IL13RA1: variants seen among roughly 807,000 people sequenced by gnomAD.
The protein encoded by IL13RA1 is interleukin-13 receptor subunit alpha-1.
In IL13RA1, 14 loss-of-function variants were observed where a neutral mutation model predicts 33.8. That is an observed-to-expected ratio of 0.41 (90% CI 0.27 to 0.65). The LOEUF is 0.65. Among genes scored for constraint, IL13RA1 ranks in the 30% least tolerant of loss-of-function variants. The pLI is 0.28. For missense variants in IL13RA1, 313 were observed against 327.0 expected, an observed-to-expected ratio of 0.96 and a Z score of 0.33; for synonymous variants, 116 against 115.7, an observed-to-expected ratio of 1.00 and a Z score of -0.02.
chrX:118,740,407 G>C (rs2017329151), intron 1 of IL13RA1, among the ~76,000 whole-genome samples: 1 of 112,412 alleles, frequency 8.9e-6, no homozygotes, highest in Non-Finnish European at 1.9e-5. Flanking sequence ...CACTTTTCAA[G>C]TGACACTCCC....
chrX:118,749,209 C>T (rs2017443556), intron 3 of IL13RA1, among the ~76,000 whole-genome samples: 1 of 112,125 alleles, frequency 8.9e-6, no homozygotes, highest in Admixed American at 9.5e-5. Flanking sequence ...AGCCACCCTG[C>T]CTGGCTGAAT....
rs375277517 is a variant in IL13RA1 at position 118,791,976 on chromosome X, T to A, written c.*122T>A. 8 of 383,033 alleles carry A rather than the reference T, an allele frequency of 2.1e-5. No individual in the cohort carries two copies. Among genetic ancestry groups the A allele is most frequent in the African/African-American group, 7.8e-5 (3 of 38,276 alleles). 31.6% of individuals were successfully genotyped at this position (383,033 alleles called of 1,213,427 possible). On this transcript the variant is annotated 3_prime_UTR_variant, in exon 11 of 11. Transcript: ENST00000371666. ...ACTGCACCATTTAAAAACAGGCAGC[T>A]CATAAGAGCCACAGGTCTTTATGTT...
At chrX:118,754,702 A>G (rs777940340) in intron 4 of IL13RA1, among the ~76,000 whole-genome samples, 1 of 109,924 alleles carries the variant, frequency 9.1e-6, no homozygotes, top group Non-Finnish European at 1.9e-5. Flanking sequence ...AGATGCAGTC[A>G]GTACACAGCG....
At chrX:118,748,846 C>T (rs1331081741) in intron 3 of IL13RA1, among the ~76,000 whole-genome samples, 1 of 111,276 alleles carries the variant, frequency 9.0e-6, no homozygotes, top group African/African-American at 3.3e-5. Flanking sequence ...AAAGTCATGA[C>T]ACTTAAGAGG....
intron 2 of IL13RA1, among the ~76,000 whole-genome samples, chrX:118,745,784 C>G (rs1180762776): frequency 9.0e-6 from 1 of 111,694 alleles, no homozygotes; most frequent in Non-Finnish European, 1.9e-5. Context: ...CTCCTTGGAG[C>G]TCTGATTAAA....
chrX:118,728,140 G>T (rs1480588485), intron 1 of IL13RA1, among the ~76,000 whole-genome samples: 1 of 112,600 alleles, frequency 8.9e-6, no homozygotes, highest in African/African-American at 3.2e-5. Flanking sequence ...GAAATGAGGC[G>T]CCAGAGCCGG....
the IL13RA1 span, among the ~76,000 whole-genome samples, chrX:118,803,703 ATTGT>A: frequency 9.0e-6 from 1 of 111,080 alleles, no homozygotes; most frequent in Admixed American, 9.6e-5. Context: ...GGAACAAATG[ATTGT>A]TTGGCCTTTA....
the IL13RA1 span, among the ~76,000 whole-genome samples, chrX:118,803,962 CT>C: frequency 0.22 from 13,739 of 62,061 alleles, 1,617 homozygotes; most frequent in East Asian, 0.49. Flanking sequence ...TTCTTTCTTT[CT>C]TTTTTTTTTT....
At chrX:118,776,893 G>A (rs1158886093) in intron 10 of IL13RA1, among the ~76,000 whole-genome samples, 1 of 109,012 alleles carries the variant, frequency 9.2e-6, no homozygotes, top group Non-Finnish European at 1.9e-5. Context: ...GAGCCCAGGA[G>A]TTCAAGGTTG....
chrX:118,786,278 C>T (rs2147402737), intron 10 of IL13RA1, among the ~76,000 whole-genome samples: 1 of 110,085 alleles, frequency 9.1e-6, no homozygotes, highest in Admixed American at 9.7e-5. Context: ...GTAATCCCAG[C>T]TACTTGGGTG....
intron 1 of IL13RA1, among the ~76,000 whole-genome samples, chrX:118,739,112 C>A (rs2017315427): frequency 8.9e-6 from 1 of 112,150 alleles, no homozygotes; most frequent in African/African-American, 3.2e-5. Flanking sequence ...TGAGAAATCT[C>A]TAAAGTGCTT....
In IL13RA1 at chrX:118,784,165, AC is replaced by A. The variant is rs1219793042; in HGVS notation, c.1192-7596del. ...TATATATACGTATATACACATATATACGTATATATATTCTTTTAAAAGCAAT... is the reference window on the plus strand; with the variant it reads ...TATATATACGTATATACACATATATAGTATATATATTCTTTTAAAAGCAAT... On this transcript the variant is annotated intron_variant, in intron 10 of 10. Transcript: ENST00000371666. 6.7e-4 allele frequency among the ~76,000 whole-genome samples: 65 copies of A among 97,408 alleles called. 1 individual carries two copies. Among genetic ancestry groups the A allele is most frequent in the African/African-American group, 2.5e-3 (65 of 26,493 alleles). 84.6% of individuals were successfully genotyped at this position (97,408 alleles called of 115,157 possible).
chrX:118,764,463 C>A (rs1212850473), intron 6 of IL13RA1, among the ~76,000 whole-genome samples: 2 of 109,875 alleles, frequency 1.8e-5, no homozygotes, highest in African/African-American at 6.6e-5. Flanking sequence ...ATAGGGTATA[C>A]TAGCCCCCTG....
the IL13RA1 span, among the ~76,000 whole-genome samples, chrX:118,802,895 C>A: frequency 2.7e-5 from 3 of 111,679 alleles, no homozygotes; most frequent in South Asian, 1.1e-3. Flanking sequence ...AAGCTCCACC[C>A]CACTATCCCC....
chrX:118,804,658 T>C, the IL13RA1 span, among the ~76,000 whole-genome samples: 1 of 111,960 alleles, frequency 8.9e-6, no homozygotes, highest in Non-Finnish European at 1.9e-5. Context: ...GGTGGAAAAA[T>C]AGGCTTATGG....
chrX:118,788,678 A>G (rs1313952375), intron 10 of IL13RA1, among the ~76,000 whole-genome samples: 1 of 112,095 alleles, frequency 8.9e-6, no homozygotes, highest in Non-Finnish European at 1.9e-5. Flanking sequence ...TGCACATATT[A>G]TAATGTACTT....
intron 8 of IL13RA1, among the ~76,000 whole-genome samples, chrX:118,773,301 G>T (rs1176828576): frequency 8.9e-6 from 1 of 111,736 alleles, no homozygotes; most frequent in Non-Finnish European, 1.9e-5. Flanking sequence ...GACCAGCCTG[G>T]CCCAAATAGG....
rs952780305 is a variant in IL13RA1 at position 118,792,973 on chromosome X, C to T, written c.*1119C>T. The T allele has an allele frequency of 5.4e-5, 6 of 111,632 alleles. No individual in the cohort carries two copies. The highest frequency in any genetic ancestry group is 1.9e-5 in the Non-Finnish European group (1 of 53,092). The allele number at this position is 111,632 out of a possible 1,213,427, so 9.2% of individuals were successfully genotyped here. On this transcript the variant is annotated 3_prime_UTR_variant, in exon 11 of 11. Transcript: ENST00000371666. ...AGGCCCCCGGGTGTGAAGCACAGAC[C>T]CCTTCCAGGGGTTTACAGTCTATTT... is the stretch of plus-strand genomic sequence containing the variant.
chrX:118,727,974 G>A (rs1305014889), intron 1 of IL13RA1, among the ~76,000 whole-genome samples: 3 of 112,143 alleles, frequency 2.7e-5, no homozygotes, highest in East Asian at 2.9e-4. Flanking sequence ...CGGGTGCGGC[G>A]GAGGTGGCGG....
Sources: allele counts gnomAD v4.1 joint callset (sites outside exome capture counted in the v4.1 genomes callset), GRCh38; gene constraint gnomAD v4.1.1; transcripts MANE v1.5; gene names NCBI Gene and HGNC (gene_info 2026-07-23, HGNC 2026-07-21).